The following MGAT4C variants were observed in gnomAD, a reference collection of about 807,000 sequenced individuals.
MGAT4C encodes the protein MGAT4 family member C, also known as alpha-1,3-mannosyl-glycoprotein 4-beta-N-acetylglucosaminyltransferase C.
In MGAT4C, 19 loss-of-function variants were observed where a neutral mutation model predicts 40.1. The ratio of observed to expected loss-of-function variants is 0.47; its 90% CI spans 0.33 to 0.70. The LOEUF is 0.70. Ranked by LOEUF, MGAT4C falls within the 30% of genes least tolerant of loss-of-function variation. The pLI, the probability that MGAT4C is intolerant of heterozygous loss-of-function variation, is 0.02. For missense variants in MGAT4C, 491 were observed against 563.2 expected (o/e 0.87, Z 1.30); for synonymous variants, 181 against 187.1 (o/e 0.97, Z 0.27).
chr12:86,246,179 C>CTTTTTTTTTTTTTTTTTT (rs57004605), intron 1 of MGAT4C, among the ~76,000 whole-genome samples: 1 of 70,122 alleles, frequency 1.4e-5, no homozygotes, highest in Non-Finnish European at 2.5e-5. Context: ...TGTACCATTG[C>CTTTTTTTTTTTTTTTTTT]TTTTTTTTTT....
rs1415858598 is a variant in MGAT4C at position 86,768,450 on chromosome 12, A to C, written c.-261-41209T>G. 3.3e-5 allele frequency among the ~76,000 whole-genome samples: 5 copies of C among 152,214 alleles called. No homozygotes were observed. In the Middle Eastern group the frequency reaches 0.014, roughly 414 times the overall value. On this transcript the variant is annotated intron_variant, in intron 1 of 7. Coordinates refer to the MGAT4C transcript ENST00000548651. ...GAAAATGGCCATACTACCCAAGGTA[A>C]TTTACAGATTCAATGCCATCCCCAT...
At chr12:86,585,462 C>T (rs1047034093) in intron 2 of MGAT4C, among the ~76,000 whole-genome samples, 2 of 151,274 alleles carry the variant, frequency 1.3e-5, no homozygotes, top group Non-Finnish European at 3.0e-5. Context: ...ACTATAAAAA[C>T]ATATTACATT....
chr12:86,428,112 T>C (rs1334387919), intron 3 of MGAT4C, among the ~76,000 whole-genome samples: 1 of 152,092 alleles, frequency 6.6e-6, no homozygotes, highest in East Asian at 1.9e-4. Flanking sequence ...AATTAAAATA[T>C]CAGGTTACAG....
At chr12:86,774,307 C>CT (rs1347375843) in intron 1 of MGAT4C, among the ~76,000 whole-genome samples, 10 of 38,578 alleles carry the variant, frequency 2.6e-4, no homozygotes, top group Non-Finnish European at 6.1e-4. Context: ...TTCTTTCTTT[C>CT]TTTCTTTCTT....
chr12:86,251,636 A>G (rs1220620223), intron 1 of MGAT4C, among the ~76,000 whole-genome samples: 1 of 151,962 alleles, frequency 6.6e-6, no homozygotes, highest in Admixed American at 6.6e-5. Flanking sequence ...TCTTCCCCAT[A>G]TTATTGGTTT....
intron 1 of MGAT4C, among the ~76,000 whole-genome samples, chr12:86,837,394 C>T (rs146720445): frequency 6.6e-5 from 10 of 152,102 alleles, no homozygotes; most frequent in Admixed American, 2.0e-4. Flanking sequence ...TCAATCCTTC[C>T]CTCTTTCCTT....
At chr12:86,010,002 G>GA (rs1433051865) in intron 2 of MGAT4C, among the ~76,000 whole-genome samples, 1 of 152,096 alleles carries the variant, frequency 6.6e-6, no homozygotes, top group Non-Finnish European at 1.5e-5. Flanking sequence ...AAGAAATTCA[G>GA]AAAAATCACT....
intron 2 of MGAT4C, among the ~76,000 whole-genome samples, chr12:86,506,616 G>A (rs1958476650): frequency 6.6e-6 from 1 of 152,066 alleles, no homozygotes; most frequent in East Asian, 1.9e-4. Context: ...TTAATTTGTG[G>A]TTTATTACAT....
chr12:86,394,489 CT>C (rs58573069), intron 3 of MGAT4C, among the ~76,000 whole-genome samples: 3,929 of 138,164 alleles, frequency 0.028, 142 homozygotes, highest in African/African-American at 0.088. Context: ...TATATATATA[CT>C]TTATATATAT....
At chr12:86,122,734 A>G (rs182929010) in intron 1 of MGAT4C, among the ~76,000 whole-genome samples, 80 of 152,234 alleles carry the variant, frequency 5.3e-4, no homozygotes, top group Non-Finnish European at 9.9e-4. Context: ...AATAAGCAGA[A>G]ACATATGAAA....
intron 2 of MGAT4C, among the ~76,000 whole-genome samples, chr12:86,645,208 T>G (rs1356821405): frequency 6.6e-6 from 1 of 151,668 alleles, no homozygotes; most frequent in Non-Finnish European, 1.5e-5. Flanking sequence ...AAAGTTCTAA[T>G]TGAATGAAAC....
chr12:86,757,480 G>C (rs10858472), intron 1 of MGAT4C, among the ~76,000 whole-genome samples: 44,184 of 151,466 alleles, frequency 0.29, 6,497 homozygotes, highest in East Asian at 0.36. Flanking sequence ...CTGTAAAGCA[G>C]AGATGCGTGT....
chr12:86,816,932 C>T (rs922713610), intron 1 of MGAT4C, among the ~76,000 whole-genome samples: 12 of 150,154 alleles, frequency 8.0e-5, no homozygotes, highest in Non-Finnish European at 1.8e-4. Context: ...TACTTTATTT[C>T]TTATTTTGTT....
chr12:86,817,299 C>T (rs1283416423), intron 1 of MGAT4C, among the ~76,000 whole-genome samples: 6 of 151,402 alleles, frequency 4.0e-5, no homozygotes, highest in Non-Finnish European at 8.9e-5. Context: ...ATTATTTTAA[C>T]ATAATCCAAA....
At chr12:86,445,090 G>A (rs1018468854) in intron 2 of MGAT4C, among the ~76,000 whole-genome samples, 6 of 152,116 alleles carry the variant, frequency 3.9e-5, no homozygotes, top group Non-Finnish European at 7.4e-5. Flanking sequence ...TGTAACAGAC[G>A]TGTTCATTAT....
intron 1 of MGAT4C, among the ~76,000 whole-genome samples, chr12:86,163,722 C>T (rs981480581): frequency 6.6e-6 from 1 of 152,080 alleles, no homozygotes; most frequent in African/African-American, 2.4e-5. Flanking sequence ...AACTGGATAA[C>T]GTGAAACATT....
intron 2 of MGAT4C, among the ~76,000 whole-genome samples, chr12:86,474,140 G>T (rs530745555): frequency 4.0e-5 from 6 of 151,876 alleles, no homozygotes; most frequent in African/African-American, 1.2e-4. Context: ...AAAAATGATA[G>T]ACTGGATTAA....
At chr12:86,828,008 T>G (rs1266711036) in intron 1 of MGAT4C, among the ~76,000 whole-genome samples, 1 of 151,322 alleles carries the variant, frequency 6.6e-6, no homozygotes, top group Non-Finnish European at 1.5e-5. Context: ...TTTTTTTCAT[T>G]AGATTAGGAA....
At chr12:86,609,448 G>A (rs1249049936) in intron 2 of MGAT4C, among the ~76,000 whole-genome samples, 3 of 151,822 alleles carry the variant, frequency 2.0e-5, no homozygotes, top group Non-Finnish European at 4.4e-5. Context: ...TCTGTCCTAA[G>A]TATTTTTTAA....
Sources: allele counts gnomAD v4.1 joint callset (sites outside exome capture counted in the v4.1 genomes callset), GRCh38; gene constraint gnomAD v4.1.1; transcripts MANE v1.5; gene names NCBI Gene and HGNC (gene_info 2026-07-23, HGNC 2026-07-21).